Variants in CDH13 observed in about 807,000 individuals in gnomAD.
CDH13 encodes the protein cadherin 13.
In CDH13, 24 loss-of-function variants were observed where a neutral mutation model predicts 63.8. The observed-to-expected ratio is 0.38, with a 90% CI of 0.27 to 0.53. CDH13 has a LOEUF of 0.53. Among genes scored for constraint, CDH13 ranks in the 20% least tolerant of loss-of-function variants. The probability of loss-of-function intolerance (pLI) is 0.85; values close to 1 mark genes in which losing one functional copy is unlikely to be tolerated. For missense variants in CDH13, 1,049 were observed against 903.1 expected, an observed-to-expected ratio of 1.16 and a Z score of -2.07; for synonymous variants, 503 against 355.3, an observed-to-expected ratio of 1.42 and a Z score of -4.67.
At chr16:83,089,317 C>G (rs12921394) in intron 3 of CDH13, among the ~76,000 whole-genome samples, 1 of 151,966 alleles carries the variant, frequency 6.6e-6, no homozygotes, top group Non-Finnish European at 1.5e-5. Flanking sequence ...AGATATTTTA[C>G]GTTGTATAAT....
At chr16:83,332,708 A>G (rs575338438) in intron 5 of CDH13, among the ~76,000 whole-genome samples, 1 of 152,292 alleles carries the variant, frequency 6.6e-6, no homozygotes, top group East Asian at 1.9e-4. Flanking sequence ...TAAAATTTTT[A>G]GCCTGTGTCA....
At chr16:82,741,408 C>A (rs567778784) in intron 1 of CDH13, among the ~76,000 whole-genome samples, 2 of 152,328 alleles carry the variant, frequency 1.3e-5, no homozygotes, top group East Asian at 1.9e-4. Context: ...CACTAATCCC[C>A]TGCAGGCTTT....
chr16:82,696,999 G>A (rs1371720547), intron 1 of CDH13, among the ~76,000 whole-genome samples: 1 of 152,144 alleles, frequency 6.6e-6, no homozygotes, highest in Non-Finnish European at 1.5e-5. Flanking sequence ...ATGGCAAGTG[G>A]CTTTCTCCTG....
chr16:83,600,639 T>A (rs907542830), intron 7 of CDH13, among the ~76,000 whole-genome samples: 1 of 152,222 alleles, frequency 6.6e-6, no homozygotes, highest in African/African-American at 2.4e-5. Flanking sequence ...CCAGCTGTTT[T>A]TGAAGCTGTC....
At chr16:83,535,130 A>G (rs1357116915) in intron 7 of CDH13, among the ~76,000 whole-genome samples, 1 of 152,244 alleles carries the variant, frequency 6.6e-6, no homozygotes, top group Non-Finnish European at 1.5e-5. Flanking sequence ...CTGAAGGTTC[A>G]TTAAGAGTTA....
intron 6 of CDH13, among the ~76,000 whole-genome samples, chr16:83,470,855 C>T (rs1185587381): frequency 6.6e-6 from 1 of 152,166 alleles, no homozygotes; most frequent in Non-Finnish European, 1.5e-5. Context: ...TCTTTTTACA[C>T]TTGGGTCAGA....
chr16:83,778,838 T>C (rs979339506), intron 11 of CDH13, among the ~76,000 whole-genome samples: 1 of 152,148 alleles, frequency 6.6e-6, no homozygotes, highest in Non-Finnish European at 1.5e-5. Context: ...GAAAATGTCT[T>C]GGATTTAATC....
chr16:83,049,414 A>G (rs1300169376), intron 3 of CDH13, among the ~76,000 whole-genome samples: 1 of 143,484 alleles, frequency 7.0e-6, no homozygotes. Context: ...TATTCACTGC[A>G]AGCTCCACCT....
rs1049247672 is a variant in CDH13, at chr16:83,253,462, G to C, written c.636+35965G>C. Among the ~76,000 whole-genome samples, 3 of 152,200 alleles carry C rather than the reference G, an allele frequency of 2.0e-5. No homozygotes were observed. In the South Asian group the frequency reaches 6.2e-4, roughly 32 times the overall value. On this transcript the variant is annotated intron_variant, in intron 5 of 13. Coordinates refer to ENST00000567109, the MANE Select transcript of CDH13 (RefSeq NM_001257.5). ...TCCAAGGCAAAATCTGTGTGGTCGT[G>C]TTGAGAGAACCAGGCACATTCGCCA...
chr16:83,614,007 AT>A (rs1879451077), intron 8 of CDH13, among the ~76,000 whole-genome samples: 1 of 152,212 alleles, frequency 6.6e-6, no homozygotes, highest in Non-Finnish European at 1.5e-5. Context: ...GCATCCATTA[AT>A]AGATACTTCT....
At chr16:83,109,660 C>T (rs184233058) in intron 3 of CDH13, among the ~76,000 whole-genome samples, 6 of 152,308 alleles carry the variant, frequency 3.9e-5, no homozygotes, top group African/African-American at 1.4e-4. Context: ...CGCAAATTAA[C>T]ACAGCTGTGG....
intron 4 of CDH13, among the ~76,000 whole-genome samples, chr16:83,142,163 T>TTTTG (rs1555602291): frequency 5.8e-4 from 82 of 141,352 alleles, no homozygotes; most frequent in African/African-American, 2.1e-3. Flanking sequence ...TGTTTTTGTT[T>TTTTG]TTTTTTTTTT....
At chr16:82,653,030 G>T (rs1910909027) in intron 1 of CDH13, among the ~76,000 whole-genome samples, 1 of 152,206 alleles carries the variant, frequency 6.6e-6, no homozygotes, top group Admixed American at 6.5e-5. Context: ...ACCCCAGGAT[G>T]TTGTAATTCA....
intron 9 of CDH13, among the ~76,000 whole-genome samples, chr16:83,672,526 G>T (rs1914601812): frequency 7.2e-6 from 1 of 138,328 alleles, no homozygotes; most frequent in Non-Finnish European, 1.5e-5. Flanking sequence ...CTGGGTTCAA[G>T]TGATTCTCCT....
Position 83,629,877 on chromosome 16 carries a change from G to C in CDH13, c.1101+27283G>C, listed in dbSNP as rs151181610. On this transcript the variant is annotated intron_variant, in intron 8 of 13. Transcript: ENST00000567109. ...ACACCTTGGCAGATGCAGGGGAAGA[G>C]AGCTTACAACAGCGTTGAATCCATT... 1.4e-3 allele frequency among the ~76,000 whole-genome samples: 214 copies of C among 152,354 alleles called. 1 individual carries two copies. Among genetic ancestry groups the C allele is most frequent in the African/African-American group, 4.9e-3 (203 of 41,584 alleles).
chr16:83,661,224 C>T (rs1045228731), intron 8 of CDH13, among the ~76,000 whole-genome samples: 1 of 152,162 alleles, frequency 6.6e-6, no homozygotes, highest in East Asian at 1.9e-4. Context: ...CAGTGGCTCA[C>T]ACCTATAATT....
intron 6 of CDH13, among the ~76,000 whole-genome samples, chr16:83,448,034 A>C (rs946566094): frequency 1.3e-5 from 2 of 152,162 alleles, no homozygotes; most frequent in African/African-American, 4.8e-5. Context: ...GGTACTTCCA[A>C]GGGAATGAGA....
chr16:82,861,262 A>G (rs1020701954), intron 2 of CDH13, among the ~76,000 whole-genome samples: 1 of 152,166 alleles, frequency 6.6e-6, no homozygotes, highest in Non-Finnish European at 1.5e-5. Context: ...TGACATTTGC[A>G]CTTCATATTT....
Position 83,070,240 on chromosome 16 carries a change from C to G in CDH13, c.366+38022C>G, listed in dbSNP as rs563867754. Among the ~76,000 whole-genome samples, 8 of 152,264 alleles carry G rather than the reference C, an allele frequency of 5.3e-5. No homozygotes were observed. In the South Asian group the frequency reaches 1.4e-3, roughly 28 times the overall value. On this transcript the variant is annotated intron_variant, in intron 3 of 13. Transcript: ENST00000567109. ...ACTCACTCTTGGAAATACATGTGGT[C>G]TCTTTCCCTATAACTAAATATTTGA... is the stretch of plus-strand genomic sequence containing the variant.
Sources: allele counts gnomAD v4.1 joint callset (sites outside exome capture counted in the v4.1 genomes callset), GRCh38; gene constraint gnomAD v4.1.1; transcripts MANE v1.5; gene names NCBI Gene and HGNC (gene_info 2026-07-23, HGNC 2026-07-21).